Variants in ASIP observed in about 807,000 individuals in gnomAD.
ASIP encodes the protein agouti signaling protein, also known as agouti-signaling protein.
Under a neutral mutation model 10.3 loss-of-function variants are expected in ASIP, and 11 were observed. The ratio of observed to expected loss-of-function variants is 1.07; its 90% CI spans 0.68 to 1.78. The LOEUF is 1.78. Among genes scored for constraint, ASIP ranks in the 40% most tolerant of loss-of-function variants. The pLI, the probability that ASIP is intolerant of heterozygous loss-of-function variation, is 0.00. For synonymous variants in ASIP, 70 were observed against 70.8 expected (o/e 0.99, Z 0.06); for missense variants, 180 against 169.2 (o/e 1.06, Z -0.35).
intron 1 of ASIP, among the ~76,000 whole-genome samples, chr20:34,246,986 T>C (rs868707475): frequency 6.6e-6 from 1 of 151,588 alleles, no homozygotes; most frequent in Admixed American, 6.6e-5. Flanking sequence ...TTGGTTTTTG[T>C]TTTTTTGTTT....
upstream of ASIP, among the ~76,000 whole-genome samples, chr20:34,236,748 C>G (rs1017699927): frequency 6.6e-6 from 1 of 152,076 alleles, no homozygotes; most frequent in Admixed American, 6.6e-5. Context: ...AGTGCTGATA[C>G]GAAGGCAGCT....
chr20:34,237,971 C>G (rs2035232762), upstream of ASIP, among the ~76,000 whole-genome samples: 1 of 152,148 alleles, frequency 6.6e-6, no homozygotes, highest in Non-Finnish European at 1.5e-5. Flanking sequence ...TGTCAGCCCA[C>G]AGCCTCTGGC....
chr20:34,194,863 T>G (rs1402070910), intron 1 of ASIP: 1 of 152,224 alleles, frequency 6.6e-6, no homozygotes, highest in African/African-American at 2.4e-5. Context: ...GGGCTTGACT[T>G]CTTCTTCTCC....
chr20:34,221,501 G>C (rs6119474), intron 1 of ASIP, among the ~76,000 whole-genome samples: 21,686 of 152,150 alleles, frequency 0.14, 5,272 homozygotes, highest in African/African-American at 0.49. Context: ...AGATGAATCT[G>C]ATCCATGGGT....
intron 1 of ASIP, among the ~76,000 whole-genome samples, chr20:34,213,171 C>T (rs904434306): frequency 6.6e-5 from 10 of 152,218 alleles, no homozygotes; most frequent in African/African-American, 2.4e-4. Context: ...CTTGCTCCTT[C>T]TCCTCCATCC....
intron 3 of ASIP, among the ~76,000 whole-genome samples, chr20:34,268,720 T>C (rs1601622743): frequency 7.0e-6 from 1 of 143,006 alleles, no homozygotes; most frequent in Admixed American, 7.0e-5. Flanking sequence ...GCTGACAGAG[T>C]GAAACCCTGT....
At chr20:34,232,812 T>C (rs2035130847) in intron 1 of ASIP, among the ~76,000 whole-genome samples, 1 of 152,224 alleles carries the variant, frequency 6.6e-6, no homozygotes, top group South Asian at 2.1e-4. Context: ...AGTTTCTCTG[T>C]TTTAATAGCA....
chr20:34,214,847 C>T, intron 1 of ASIP: 1 of 1,603,818 alleles, frequency 6.2e-7, no homozygotes, highest in Non-Finnish European at 8.5e-7. Flanking sequence ...ATATCATCAT[C>T]CTCATGAATT....
At chr20:34,205,123 C>T (rs572651839) in intron 1 of ASIP, among the ~76,000 whole-genome samples, 4 of 152,200 alleles carry the variant, frequency 2.6e-5, no homozygotes, top group Non-Finnish European at 4.4e-5. Context: ...TGGACCCTCA[C>T]GGTGAGTGTT....
rs373802642 is a variant in ASIP at position 34,266,525 on chromosome 20, T to G, written c.223-2466T>G. 2.3e-4 allele frequency among the ~76,000 whole-genome samples: 35 copies of G among 151,344 alleles called. No homozygotes were observed. In the South Asian group the frequency reaches 4.0e-3, roughly 17 times the overall value. Reference sequence around the variant, plus strand: ...CCGTCTCTACTAAAAATACAAAAATTAGCTGGGCGTGGTGGTGCACGCCTG... The same window carrying G: ...CCGTCTCTACTAAAAATACAAAAATGAGCTGGGCGTGGTGGTGCACGCCTG... On this transcript the variant is annotated intron_variant, in intron 3 of 3. Coordinates refer to ENST00000374954, the MANE Select transcript of ASIP (RefSeq NM_001672.3).
exon 1 of ASIP, chr20:34,194,571 C>T (rs925714235): frequency 1.3e-5 from 2 of 151,276 alleles, no homozygotes; most frequent in African/African-American, 2.4e-5. Flanking sequence ...TGCATTTCGA[C>T]TCAGCCCGCT....
intron 1 of ASIP, among the ~76,000 whole-genome samples, chr20:34,205,360 G>T (rs2034928047): frequency 6.6e-6 from 1 of 151,908 alleles, no homozygotes; most frequent in Non-Finnish European, 1.5e-5. Context: ...AGACCTTCGT[G>T]GTGAGTGTTA....
At position 34,220,332 on chromosome 20, in the gene ASIP, C is replaced by T. The variant is rs533837386; in HGVS notation, c.-11+25572C>T. ...AGCACAGGGGCCGGGTGCAGTGGCT[C>T]ACGCCTGTAATCCCAACACTTTGGG... On this transcript the variant is annotated intron_variant, in intron 1 of 3. Transcript: ENST00000568305. Among the ~76,000 whole-genome samples, 11 of 152,208 alleles carry T rather than the reference C, an allele frequency of 7.2e-5. No individual in the cohort carries two copies. In the East Asian group the frequency reaches 2.1e-3, roughly 29 times the overall value.
chr20:34,262,040 G>C (rs1455113671), intron 2 of ASIP, among the ~76,000 whole-genome samples: 1 of 151,916 alleles, frequency 6.6e-6, no homozygotes, highest in East Asian at 1.9e-4. Flanking sequence ...TTGAACCCAG[G>C]AGGCAGAAGT....
intron 1 of ASIP, among the ~76,000 whole-genome samples, chr20:34,200,124 G>A (rs1040478729): frequency 6.6e-6 from 1 of 152,150 alleles, no homozygotes; most frequent in Non-Finnish European, 1.5e-5. Flanking sequence ...CATTTATACA[G>A]TTATAAAAAT....
chr20:34,190,807 G>T (rs553535013), upstream of ASIP, among the ~76,000 whole-genome samples: 1 of 152,136 alleles, frequency 6.6e-6, no homozygotes, highest in Non-Finnish European at 1.5e-5. Context: ...GATGTGTTTC[G>T]CAGCAAGGCT....
upstream of ASIP, among the ~76,000 whole-genome samples, chr20:34,239,070 C>A (rs2035248584): frequency 6.6e-6 from 1 of 152,164 alleles, no homozygotes; most frequent in African/African-American, 2.4e-5. Context: ...TTTAAGCCCC[C>A]AAAGACACCT....
intron 1 of ASIP, among the ~76,000 whole-genome samples, chr20:34,195,913 C>G (rs991962880): frequency 6.6e-6 from 1 of 152,004 alleles, no homozygotes; most frequent in Non-Finnish European, 1.5e-5. Context: ...GTAACTGGCT[C>G]TGGGTTGGAA....
chr20:34,195,376 C>T (rs2034848774), intron 1 of ASIP, among the ~76,000 whole-genome samples: 1 of 152,156 alleles, frequency 6.6e-6, no homozygotes, highest in African/African-American at 2.4e-5. Context: ...GTTCCTTTGG[C>T]CAAGTGGCTC....
Sources: gnomAD v4.1 joint callset for allele counts (sites outside exome capture counted in the v4.1 genomes callset) on GRCh38, gnomAD v4.1.1 for gene constraint, MANE v1.5 for transcripts, NCBI Gene and HGNC (gene_info 2026-07-23, HGNC 2026-07-21) for gene names.